FBXL17: variants seen among roughly 807,000 people sequenced by gnomAD.
The protein encoded by FBXL17 is F-box/LRR-repeat protein 17.
FBXL17 carries 22 observed loss-of-function variants against 66.2 expected under a neutral mutation model. The ratio of observed to expected loss-of-function variants is 0.33; its 90% CI spans 0.24 to 0.47. FBXL17 has a LOEUF of 0.47. FBXL17 is among the 20% of genes least tolerant of loss of function. The pLI is 1.00. For synonymous variants in FBXL17, 474 were observed against 400.5 expected (o/e 1.18, Z -2.19); for missense variants, 878 against 948.2 (o/e 0.93, Z 0.97).
chr5:108,257,148 A>C (rs1756611110), intron 4 of FBXL17, among the ~76,000 whole-genome samples: 1 of 152,222 alleles, frequency 6.6e-6, no homozygotes, highest in Admixed American at 6.5e-5. Context: ...ATCACTTAAA[A>C]GTATTAAATT....
chr5:108,141,443 C>G (rs931541847), intron 6 of FBXL17, among the ~76,000 whole-genome samples: 4 of 152,140 alleles, frequency 2.6e-5, no homozygotes, highest in African/African-American at 7.2e-5. Context: ...GTTCTCTGAG[C>G]AGGGCAGAGG....
intron 7 of FBXL17, among the ~76,000 whole-genome samples, chr5:108,007,605 A>G (rs991316826): frequency 1.3e-4 from 19 of 151,672 alleles, no homozygotes; most frequent in Admixed American, 1.1e-3. Flanking sequence ...CCATTACCAG[A>G]AAAACTTGGG....
chr5:107,914,673 C>T (rs907549461), intron 7 of FBXL17, among the ~76,000 whole-genome samples: 1 of 152,154 alleles, frequency 6.6e-6, no homozygotes, highest in Admixed American at 6.6e-5. Flanking sequence ...GCTGGGAATG[C>T]TCAGAGGATT....
intron 7 of FBXL17, among the ~76,000 whole-genome samples, chr5:107,927,558 A>G (rs535828054): frequency 2.3e-3 from 353 of 152,288 alleles, no homozygotes; most frequent in Non-Finnish European, 4.3e-3. Context: ...TAAAATTTCC[A>G]ATTAATAAGC....
In FBXL17 at chr5:108,290,838, C is replaced by A. The variant is rs144459935; in HGVS notation, c.1506+57561G>T. ...TGAATTACATCCTGTAAATTGATGG[C>A]ATATTAAGCAATTTAAAGTATATAC... On this transcript the variant is annotated intron_variant, in intron 4 of 8. Transcript: ENST00000542267. 5.9e-5 allele frequency among the ~76,000 whole-genome samples: 9 copies of A among 152,146 alleles called. 1 individual carries two copies. The East Asian group carries it at 1.7e-3, about 29-fold the overall frequency.
At chr5:108,237,685 A>C (rs528893382) in intron 4 of FBXL17, among the ~76,000 whole-genome samples, 1 of 152,274 alleles carries the variant, frequency 6.6e-6, no homozygotes, top group East Asian at 1.9e-4. Context: ...AGGTATACAC[A>C]AGACCAACTA....
chr5:108,367,543 C>T (rs1748744179), intron 2 of FBXL17, among the ~76,000 whole-genome samples: 1 of 151,672 alleles, frequency 6.6e-6, no homozygotes, highest in Non-Finnish European at 1.5e-5. Context: ...TAGTATGATC[C>T]CCCACAGAAA....
At chr5:107,924,065 T>C (rs1449583489) in intron 7 of FBXL17, among the ~76,000 whole-genome samples, 1 of 148,140 alleles carries the variant, frequency 6.8e-6, no homozygotes, top group Non-Finnish European at 1.5e-5. Context: ...TTAGTGTTTT[T>C]TTTTTTTTTT....
At chr5:108,082,216 G>GT (rs1226597466) in intron 6 of FBXL17, among the ~76,000 whole-genome samples, 1 of 144,476 alleles carries the variant, frequency 6.9e-6, no homozygotes, top group Non-Finnish European at 1.5e-5. Context: ...ATCCCCTCTG[G>GT]TAAAAAAAAA....
intron 4 of FBXL17, among the ~76,000 whole-genome samples, chr5:108,268,414 T>A (rs184263627): frequency 2.0e-5 from 3 of 152,166 alleles, no homozygotes; most frequent in African/African-American, 7.2e-5. Flanking sequence ...TCTGTAACTA[T>A]GAAACGGCTC....
chr5:107,948,348 G>A (rs1478465141), intron 7 of FBXL17, among the ~76,000 whole-genome samples: 10 of 152,124 alleles, frequency 6.6e-5, no homozygotes, highest in Non-Finnish European at 1.5e-4. Flanking sequence ...AGCATCGTGT[G>A]ACTGAAACTG....
intron 6 of FBXL17, among the ~76,000 whole-genome samples, chr5:108,052,112 C>CAAAAAAAAAAAAAAAAAAAAAAA (rs144705189): frequency 4.9e-5 from 5 of 102,184 alleles, no homozygotes; most frequent in Non-Finnish European, 7.6e-5. Flanking sequence ...GACTTCGTCT[C>CAAAAAAAAAAAAAAAAAAAAAAA]AAAAAAAAAA....
At chr5:108,200,557 G>T (rs1753849033) in intron 5 of FBXL17, among the ~76,000 whole-genome samples, 2 of 152,032 alleles carry the variant, frequency 1.3e-5, no homozygotes, top group South Asian at 4.1e-4. Flanking sequence ...TTAGACACAG[G>T]AATATTGTTT....
chr5:107,868,586 C>G lies in FBXL17; in HGVS notation c.1966-6726G>C, dbSNP rs55762588. On this transcript the variant is annotated intron_variant, in intron 8 of 8. Transcript: ENST00000542267. ...CCCATAAAAACACTTTCCCTTGTTACGGAGGTAGGATGGCCTGCAAGCCAG... is the reference window on the plus strand; with the variant it reads ...CCCATAAAAACACTTTCCCTTGTTAGGGAGGTAGGATGGCCTGCAAGCCAG... Among the ~76,000 whole-genome samples the G allele has an allele frequency of 6.7e-3, 1,018 of 152,300 alleles. 4 individuals carry two copies. Among genetic ancestry groups the G allele is most frequent in the Non-Finnish European group, 0.011 (777 of 68,026 alleles).
At position 108,382,048 on chromosome 5, in the gene FBXL17, T is replaced by G; in HGVS notation, c.-357A>C. 1 of 901,092 alleles carries G rather than the reference T, an allele frequency of 1.1e-6. No individual in the cohort carries two copies. Among genetic ancestry groups the G allele is most frequent in the Non-Finnish European group, 1.4e-6 (1 of 733,190 alleles). The allele number at this position is 901,092 out of a possible 1,614,324, so 55.8% of individuals were successfully genotyped here. A position where few individuals can be genotyped will look rare whatever the true frequency, so the allele number is the denominator to read the frequency against. ...CGGCCGGGGAAAGGCCGGGTCCCGCTCGGACCATTTTAACTGCGGATCCGC... is the reference window on the plus strand; with the variant it reads ...CGGCCGGGGAAAGGCCGGGTCCCGCGCGGACCATTTTAACTGCGGATCCGC... On this transcript the variant is annotated 5_prime_UTR_variant, in exon 1 of 9. Coordinates refer to ENST00000542267, the MANE Select transcript of FBXL17 (RefSeq NM_001163315.3).
chr5:108,155,744 A>C (rs1179939262), intron 6 of FBXL17, among the ~76,000 whole-genome samples: 1 of 148,906 alleles, frequency 6.7e-6, no homozygotes, highest in Non-Finnish European at 1.5e-5. Flanking sequence ...ATGCCATCAG[A>C]GTTCAGATAT....
At chr5:108,030,293 A>G (rs1754985778) in intron 6 of FBXL17, among the ~76,000 whole-genome samples, 1 of 152,168 alleles carries the variant, frequency 6.6e-6, no homozygotes, top group South Asian at 2.1e-4. Context: ...TGGAAAGCTA[A>G]TGAAACCAGT....
intron 8 of FBXL17, among the ~76,000 whole-genome samples, chr5:107,874,002 C>T (rs1037961454): frequency 1.3e-5 from 2 of 152,176 alleles, no homozygotes; most frequent in African/African-American, 2.4e-5. Context: ...AAAGGTTCTA[C>T]ACAGATGTTG....
intron 4 of FBXL17, among the ~76,000 whole-genome samples, chr5:108,237,922 A>G (rs1020922261): frequency 3.9e-5 from 6 of 152,232 alleles, no homozygotes; most frequent in African/African-American, 1.4e-4. Flanking sequence ...AAAAATATAA[A>G]TTATACTTAT....
Sources: allele counts gnomAD v4.1 joint callset (sites outside exome capture counted in the v4.1 genomes callset), GRCh38; gene constraint gnomAD v4.1.1; transcripts MANE v1.5; gene names NCBI Gene and HGNC (gene_info 2026-07-23, HGNC 2026-07-21).